FARP2: variants seen among roughly 807,000 people sequenced by gnomAD.
FARP2 encodes the protein FERM, ARH/RhoGEF and pleckstrin domain protein 2, also known as FERM, ARHGEF and pleckstrin domain-containing protein 2.
FARP2 carries 111 observed loss-of-function variants against 130.5 expected under a neutral mutation model. The observed-to-expected ratio is 0.85, with a 90% confidence interval of 0.73 to 1.00. The LOEUF is 1.00. Ranked by LOEUF, FARP2 falls within the 50% of genes least tolerant of loss-of-function variation. FARP2 has a pLI of 0.00. For synonymous variants in FARP2, 504 were observed against 516.9 expected, an observed-to-expected ratio of 0.98 and a Z score of 0.34; for missense variants, 1,385 against 1,346.3, an observed-to-expected ratio of 1.03 and a Z score of -0.45.
At chr2:241,478,611 G>C (rs561460975) in intron 19 of FARP2, 4 of 509,728 alleles carry the variant, frequency 7.8e-6, no homozygotes, top group African/African-American at 7.8e-5. Flanking sequence ...TACCTGAGAC[G>C]TGGCAAGCTG....
At chr2:241,406,522 G>A (rs2062355061) in intron 4 of FARP2, among the ~76,000 whole-genome samples, 1 of 151,552 alleles carries the variant, frequency 6.6e-6, no homozygotes, top group South Asian at 2.1e-4. Context: ...TCTCAGCTCA[G>A]TGCAGCCTCT....
chr2:241,383,704 T>C (rs111482325), intron 2 of FARP2, among the ~76,000 whole-genome samples: 86 of 151,632 alleles, frequency 5.7e-4, no homozygotes, highest in African/African-American at 2.0e-3. Context: ...CCTGGAGAGA[T>C]TTTGAAGGTG....
At chr2:241,384,387 T>C (rs899538663) in intron 2 of FARP2, among the ~76,000 whole-genome samples, 9 of 152,140 alleles carry the variant, frequency 5.9e-5, no homozygotes, top group African/African-American at 1.9e-4. Flanking sequence ...CTTTTTCTGG[T>C]TTCTAGGAAA....
Position 241,407,616 on chromosome 2 carries a change from G to A in FARP2, c.410+1G>A. ...GTCAGCTACAAGAAGAATATACAAG[G>A]TAAAGAGCTCACAGAGCTGAAGCTG... On this transcript the variant is annotated splice_donor_variant, in intron 5 of 26. Coordinates refer to ENST00000264042, the MANE Select transcript of FARP2 (RefSeq NM_014808.4). LOFTEE classifies it high-confidence loss of function. 1 of 1,611,298 alleles carries A rather than the reference G, an allele frequency of 6.2e-7. No homozygotes were observed. Among genetic ancestry groups the A allele is most frequent in the Non-Finnish European group, 8.5e-7 (1 of 1,177,588 alleles).
At chr2:241,396,626 A>G (rs1464867273) in intron 2 of FARP2, among the ~76,000 whole-genome samples, 7 of 152,232 alleles carry the variant, frequency 4.6e-5, no homozygotes, top group African/African-American at 2.4e-5. Context: ...AATCAAAACC[A>G]CAATGAGATA....
intron 2 of FARP2, among the ~76,000 whole-genome samples, chr2:241,396,350 A>G (rs1215135690): frequency 6.6e-6 from 1 of 152,124 alleles, no homozygotes; most frequent in Non-Finnish European, 1.5e-5. Flanking sequence ...TAATTAAACT[A>G]AAGAGCTTCT....
In FARP2 at chr2:241,456,904, CGAG is replaced by C. The variant is rs775424132; in HGVS notation, c.1573_1575del (p.Glu525del). On this transcript the variant is annotated inframe_deletion, in exon 14 of 27. Coordinates refer to ENST00000264042, the MANE Select transcript of FARP2 (RefSeq NM_014808.4). ...ATGCTGGCGGAGCCGGGATGGACTGCGAGGAGCCCAGACACAAGGTGGGCCCCT... is the reference window on the plus strand; with the variant it reads ...ATGCTGGCGGAGCCGGGATGGACTGCGAGCCCAGACACAAGGTGGGCCCCT... The C allele has an allele frequency of 3.1e-6, 5 of 1,602,110 alleles. No homozygotes were observed. The South Asian group carries it at 5.6e-5, about 18-fold the overall frequency.
At chr2:241,382,792 A>G (rs557475660) in intron 2 of FARP2, among the ~76,000 whole-genome samples, 2 of 152,186 alleles carry the variant, frequency 1.3e-5, no homozygotes, top group Admixed American at 6.5e-5. Flanking sequence ...TCATATTACA[A>G]TTTTTAGTAA....
At chr2:241,386,799 TC>T (rs2061794617) in intron 2 of FARP2, 1 of 152,260 alleles carries the variant, frequency 6.6e-6, no homozygotes, top group Non-Finnish European at 1.5e-5. Flanking sequence ...TTATCTGCCA[TC>T]CTGTAAGTTC....
intron 22 of FARP2, among the ~76,000 whole-genome samples, chr2:241,490,307 G>A (rs543661400): frequency 4.6e-5 from 7 of 152,312 alleles, no homozygotes; most frequent in Middle Eastern, 3.4e-3. Flanking sequence ...TCTGCCCTCC[G>A]GTTCACAGTG....
chr2:241,376,184 C>G (rs2061532329), intron 2 of FARP2, among the ~76,000 whole-genome samples: 1 of 152,180 alleles, frequency 6.6e-6, no homozygotes, highest in African/African-American at 2.4e-5. Flanking sequence ...CATTCTCCCT[C>G]CAGCCCACTT....
At chr2:241,448,371 A>G (rs75030003) in intron 13 of FARP2, among the ~76,000 whole-genome samples, 6,351 of 152,360 alleles carry the variant, frequency 0.042, 170 homozygotes, top group Non-Finnish European at 0.063. Flanking sequence ...TTAGATGGTA[A>G]AAACCATGTG....
At chr2:241,438,370 C>T (rs566721061) in intron 12 of FARP2, among the ~76,000 whole-genome samples, 32 of 152,210 alleles carry the variant, frequency 2.1e-4, no homozygotes, top group South Asian at 1.0e-3. Flanking sequence ...GCCTGGACAA[C>T]ATAGTGAGAC....
At chr2:241,412,433 G>A (rs1288580553) in intron 6 of FARP2, among the ~76,000 whole-genome samples, 1 of 152,132 alleles carries the variant, frequency 6.6e-6, no homozygotes, top group Non-Finnish European at 1.5e-5. Context: ...CAAGTAACAT[G>A]TTAGCAACTC....
chr2:241,427,950 T>C (rs2062990972), intron 8 of FARP2, among the ~76,000 whole-genome samples: 1 of 152,132 alleles, frequency 6.6e-6, no homozygotes, highest in African/African-American at 2.4e-5. Context: ...GTATTTTTAG[T>C]AGAGGCGGGG....
chr2:241,479,019 AAT>A lies in FARP2; in HGVS notation c.2262+3033_2262+3034del, dbSNP rs1322159700. On this transcript the variant is annotated intron_variant, in intron 19 of 26. Transcript: ENST00000264042. ...GGGACACAGTATTGACAGCTGAAAA[AAT>A]GATTTACTCTTTCCCAAGATGCAAT... 5.7e-6 allele frequency: 3 copies of A among 526,812 alleles called. No individual in the cohort carries two copies. The African/African-American group carries it at 5.9e-5, about 10-fold the overall frequency. 32.6% of individuals were successfully genotyped at this position (526,812 alleles called of 1,614,324 possible). A position where few individuals can be genotyped will look rare whatever the true frequency, so the allele number is the denominator to read the frequency against.
At chr2:241,396,303 G>A (rs530855601) in intron 2 of FARP2, among the ~76,000 whole-genome samples, 5 of 152,250 alleles carry the variant, frequency 3.3e-5, no homozygotes, top group African/African-American at 9.6e-5. Flanking sequence ...AACACCAAAA[G>A]CAATAGCAAC....
chr2:241,423,722 C>G (rs1478217739), intron 8 of FARP2, among the ~76,000 whole-genome samples: 2 of 152,240 alleles, frequency 1.3e-5, no homozygotes, highest in Non-Finnish European at 2.9e-5. Context: ...AGACCTGTCT[C>G]ACGTGCAAAG....
intron 1 of FARP2, among the ~76,000 whole-genome samples, chr2:241,358,060 A>G (rs1371782961): frequency 6.6e-6 from 1 of 152,182 alleles, no homozygotes; most frequent in East Asian, 1.9e-4. Context: ...CTGGTGGCGC[A>G]CGCCTGTAAT....
Sources: gnomAD v4.1 joint callset for allele counts (sites outside exome capture counted in the v4.1 genomes callset) on GRCh38, gnomAD v4.1.1 for gene constraint, MANE v1.5 for transcripts, NCBI Gene and HGNC (gene_info 2026-07-23, HGNC 2026-07-21) for gene names.